ANKRD29: variants seen among roughly 807,000 people sequenced by gnomAD.
The protein encoded by ANKRD29 is ankyrin repeat domain 29, also known as ankyrin repeat domain-containing protein 29.
A neutral mutation model predicts 38.0 loss-of-function variants in ANKRD29; 32 were observed. The ratio of observed to expected loss-of-function variants is 0.84; its 90% CI spans 0.64 to 1.13. The LOEUF (loss-of-function observed/expected upper bound fraction) is 1.13, where lower values mean the gene tolerates loss of function less well. Ranked by LOEUF, ANKRD29 falls within the 50% of genes most tolerant of loss-of-function variation. ANKRD29 has a pLI of 0.00. For missense variants in ANKRD29, 357 were observed against 377.9 expected (o/e 0.94, Z 0.46); for synonymous variants, 135 against 152.4 (o/e 0.89, Z 0.84).
chr18:23,648,248 G>A (rs1468659515), intron 2 of ANKRD29, among the ~76,000 whole-genome samples: 1 of 152,214 alleles, frequency 6.6e-6, no homozygotes, highest in African/African-American at 2.4e-5. Flanking sequence ...AGTGGGTCTG[G>A]AGGTGTAACC....
chr18:23,635,302 A>C (rs924164440), intron 4 of ANKRD29, among the ~76,000 whole-genome samples: 1 of 152,048 alleles, frequency 6.6e-6, no homozygotes, highest in Admixed American at 6.6e-5. Flanking sequence ...AAAAAAAAAA[A>C]AAAAACCCAA....
chr18:23,629,729 A>G lies in ANKRD29; in HGVS notation c.528+124T>C, dbSNP rs1470488824. ...TCAAAGATTAACTTTTCATCACAGAAGCAGAAGGGTTTAAAGGATGCCTTG... is the reference window on the plus strand; with the variant it reads ...TCAAAGATTAACTTTTCATCACAGAGGCAGAAGGGTTTAAAGGATGCCTTG... On this transcript the variant is annotated intron_variant, in intron 6 of 9. Transcript: ENST00000592179. 12 of 716,590 alleles carry G rather than the reference A, an allele frequency of 1.7e-5. No individual in the cohort carries two copies. The Admixed American group carries it at 2.4e-4, about 15-fold the overall frequency. 44.4% of individuals were successfully genotyped at this position (716,590 alleles called of 1,614,324 possible).
At chr18:23,634,278 GTTTTTTTTTTTTTTTTT>G (rs71163626) in intron 4 of ANKRD29, 129 bp from the exon 5 acceptor site, 27 of 370,832 alleles carry the variant, frequency 7.3e-5, no homozygotes, top group South Asian at 9.0e-5. Flanking sequence ...CACTTTCCCT[GTTTTTTTTTTTTTTTTT>G]TTTTTTTTTT....
chr18:23,626,119 T>G (rs2059859312), intron 6 of ANKRD29, among the ~76,000 whole-genome samples: 1 of 152,218 alleles, frequency 6.6e-6, no homozygotes, highest in Non-Finnish European at 1.5e-5. Flanking sequence ...GATTCTACGC[T>G]AATCTTTTGG....
intron 6 of ANKRD29, among the ~76,000 whole-genome samples, chr18:23,624,041 C>G (rs2059829107): frequency 6.6e-6 from 1 of 151,834 alleles, no homozygotes. Context: ...TGGAATGTAC[C>G]AAAATGTGAA....
chr18:23,646,342 G>C (rs1242443694), intron 2 of ANKRD29, 55 bp from the exon 3 acceptor site: 2 of 1,506,492 alleles, frequency 1.3e-6, no homozygotes, highest in Admixed American at 1.7e-5. Context: ...CAGAGAGAAG[G>C]GTCCTAGAGA....
chr18:23,605,604 G>T (rs999593115), intron 9 of ANKRD29, among the ~76,000 whole-genome samples: 5 of 151,924 alleles, frequency 3.3e-5, no homozygotes, highest in Non-Finnish European at 7.4e-5. Flanking sequence ...TCGGCTCACT[G>T]CAACCTCCGC....
At chr18:23,605,684 G>T (rs1317401847) in intron 9 of ANKRD29, among the ~76,000 whole-genome samples, 1 of 151,724 alleles carries the variant, frequency 6.6e-6, no homozygotes. Context: ...GCGCGACCAT[G>T]CCTGGCTAAT....
intron 8 of ANKRD29, among the ~76,000 whole-genome samples, chr18:23,615,082 T>C (rs2059694045): frequency 6.6e-6 from 1 of 152,206 alleles, no homozygotes; most frequent in African/African-American, 2.4e-5. Flanking sequence ...AGTGCAAAGA[T>C]ACAATCACAG....
At chr18:23,615,924 T>G (rs2059705943) in intron 8 of ANKRD29, among the ~76,000 whole-genome samples, 1 of 138,578 alleles carries the variant, frequency 7.2e-6, no homozygotes, top group Non-Finnish European at 1.6e-5. Flanking sequence ...ATATAGTATG[T>G]ATATATTATA....
Position 23,616,420 on chromosome 18 carries a change from G to A in ANKRD29, c.723+1312C>T, listed in dbSNP as rs933783865. On this transcript the variant is annotated intron_variant, in intron 8 of 9. Transcript: ENST00000592179. Reference sequence around the variant, plus strand: ...GGTGTGTGGCTGTAGTCCCAGCCGAGGCAGGAGGATTACTTGAGCGCAAGA... The same window carrying A: ...GGTGTGTGGCTGTAGTCCCAGCCGAAGCAGGAGGATTACTTGAGCGCAAGA... Among the ~76,000 whole-genome samples the A allele has an allele frequency of 1.9e-4, 29 of 149,432 alleles. 2 individuals are homozygous for A. Among genetic ancestry groups the A allele is most frequent in the Admixed American group, 1.9e-3 (28 of 14,918 alleles).
intron 4 of ANKRD29, among the ~76,000 whole-genome samples, chr18:23,634,662 G>A (rs1175778610): frequency 6.6e-6 from 1 of 152,154 alleles, no homozygotes; most frequent in Non-Finnish European, 1.5e-5. Context: ...ACGTGATTAT[G>A]TTGTATATGT....
At chr18:23,648,864 C>T (rs2060173919) in intron 2 of ANKRD29, 1 of 461,804 alleles carries the variant, frequency 2.2e-6, no homozygotes, top group Non-Finnish European at 3.8e-6. Context: ...ATTGTGGTTG[C>T]CTTCTGTTTT....
At position 23,662,659 on chromosome 18, in the gene ANKRD29, C is replaced by T. The variant is rs2060381756; in HGVS notation, c.21+51G>A. 5 of 1,287,066 alleles carry T rather than the reference C, an allele frequency of 3.9e-6. 1 individual carries two copies. The South Asian group carries it at 6.3e-5, about 16-fold the overall frequency. 79.7% of individuals were successfully genotyped at this position (1,287,066 alleles called of 1,614,324 possible). On this transcript the variant is annotated intron_variant, in intron 1 of 9. Transcript: ENST00000592179. ...CCCACCCCACCCGACCCCGCGGGCC[C>T]GGCCGCCCGAGCCCGGCCCCAGCCC...
intron 9 of ANKRD29, among the ~76,000 whole-genome samples, chr18:23,608,555 C>T (rs555851394): frequency 6.6e-6 from 1 of 152,192 alleles, no homozygotes; most frequent in Non-Finnish European, 1.5e-5. Context: ...TTTCTATATA[C>T]AGGTACTAAT....
At chr18:23,625,611 T>C (rs758808697) in intron 6 of ANKRD29, among the ~76,000 whole-genome samples, 13 of 152,156 alleles carry the variant, frequency 8.5e-5, no homozygotes, top group Non-Finnish European at 1.6e-4. Flanking sequence ...GGAATGATAA[T>C]AACAGCAATA....
intron 8 of ANKRD29, among the ~76,000 whole-genome samples, chr18:23,616,638 G>A (rs1371092596): frequency 1.4e-5 from 2 of 138,184 alleles, no homozygotes; most frequent in Admixed American, 7.5e-5. Context: ...ACATTCTGTA[G>A]TATATATTTC....
chr18:23,625,294 ACT>A (rs897031617), intron 6 of ANKRD29, among the ~76,000 whole-genome samples: 2 of 152,014 alleles, frequency 1.3e-5, no homozygotes, highest in Non-Finnish European at 2.9e-5. Context: ...CCATGGTCTG[ACT>A]CTATCCTCCC....
intron 9 of ANKRD29, among the ~76,000 whole-genome samples, chr18:23,608,551 T>C (rs2059600692): frequency 6.6e-6 from 1 of 152,264 alleles, no homozygotes. Context: ...TCAGTTTCTA[T>C]ATACAGGTAC....
Sources: allele counts gnomAD v4.1 joint callset (sites outside exome capture counted in the v4.1 genomes callset), GRCh38; gene constraint gnomAD v4.1.1; transcripts MANE v1.5; gene names NCBI Gene and HGNC (gene_info 2026-07-23, HGNC 2026-07-21).